KCNB2: variants seen among roughly 807,000 people sequenced by gnomAD.
KCNB2 encodes potassium voltage-gated channel subfamily B member 2.
In KCNB2, 15 loss-of-function variants were observed where a neutral mutation model predicts 61.5. That is an observed-to-expected ratio of 0.24 (90% CI 0.16 to 0.38). The LOEUF (loss-of-function observed/expected upper bound fraction) is 0.38. Ranked by LOEUF, KCNB2 falls within the 10% of genes least tolerant of loss-of-function variation. KCNB2 has a pLI of 1.00. For missense variants in KCNB2, 828 were observed against 1,125.2 expected (o/e 0.74, Z 3.78); for synonymous variants, 457 against 446.0 (o/e 1.02, Z -0.31).
chr8:72,872,378 T>C (rs1805632559), intron 2 of KCNB2, among the ~76,000 whole-genome samples: 1 of 152,206 alleles, frequency 6.6e-6, no homozygotes, highest in South Asian at 2.1e-4. Flanking sequence ...CAAAGTTAAA[T>C]CTCATAAACC....
intron 2 of KCNB2, among the ~76,000 whole-genome samples, chr8:72,600,596 T>G (rs1807281613): frequency 6.8e-6 from 1 of 147,806 alleles, no homozygotes; most frequent in Non-Finnish European, 1.5e-5. Flanking sequence ...AGTATAATAA[T>G]AATAAAATTT....
chr8:72,897,892 G>A (rs1806018687), intron 2 of KCNB2, among the ~76,000 whole-genome samples: 1 of 152,114 alleles, frequency 6.6e-6, no homozygotes, highest in Non-Finnish European at 1.5e-5. Context: ...TCTCAGATAT[G>A]GAGGGTACAT....
chr8:72,688,040 G>GGA (rs1430179392), intron 2 of KCNB2, among the ~76,000 whole-genome samples: 4 of 152,296 alleles, frequency 2.6e-5, no homozygotes, highest in Admixed American at 2.6e-4. Context: ...CCTCTTTGCT[G>GGA]GAGATAGAAC....
At chr8:72,927,852 A>T (rs572593022) in intron 2 of KCNB2, among the ~76,000 whole-genome samples, 3 of 152,262 alleles carry the variant, frequency 2.0e-5, no homozygotes, top group Non-Finnish European at 4.4e-5. Context: ...TGAGCAAACC[A>T]TCATCTTTTG....
At chr8:72,857,931 A>T (rs1810233942) in intron 2 of KCNB2, among the ~76,000 whole-genome samples, 2 of 152,116 alleles carry the variant, frequency 1.3e-5, no homozygotes, top group South Asian at 2.1e-4. Context: ...ATAAAATATG[A>T]TCTGTCAAGC....
At chr8:72,834,803 C>T (rs1026308963) in intron 2 of KCNB2, among the ~76,000 whole-genome samples, 1 of 152,096 alleles carries the variant, frequency 6.6e-6, no homozygotes, top group Non-Finnish European at 1.5e-5. Flanking sequence ...TACGAAGATA[C>T]AGAAAAAAAG....
chr8:72,932,418 G>A (rs1316771371), intron 2 of KCNB2, among the ~76,000 whole-genome samples: 1 of 152,140 alleles, frequency 6.6e-6, no homozygotes, highest in African/African-American at 2.4e-5. Context: ...GTGCTGGGGT[G>A]GTTACCCTTG....
intron 2 of KCNB2, among the ~76,000 whole-genome samples, chr8:72,885,331 G>T (rs1805785915): frequency 6.6e-6 from 1 of 152,044 alleles, no homozygotes; most frequent in South Asian, 2.1e-4. Context: ...GAGTTAGGTA[G>T]CTTTCTCTTT....
intron 2 of KCNB2, among the ~76,000 whole-genome samples, chr8:72,694,628 A>G (rs976112206): frequency 6.6e-6 from 1 of 152,186 alleles, no homozygotes; most frequent in Non-Finnish European, 1.5e-5. Context: ...AGGAAAATAA[A>G]TACTAATTCA....
At chr8:72,590,269 T>C (rs1402923214) in intron 2 of KCNB2, among the ~76,000 whole-genome samples, 1 of 152,220 alleles carries the variant, frequency 6.6e-6, no homozygotes, top group Non-Finnish European at 1.5e-5. Context: ...ACCTGCTTTG[T>C]AATTGCTTTG....
intron 2 of KCNB2, among the ~76,000 whole-genome samples, chr8:72,718,945 C>T (rs930030364): frequency 1.3e-5 from 2 of 152,114 alleles, no homozygotes; most frequent in Non-Finnish European, 2.9e-5. Flanking sequence ...AGATTTTTTT[C>T]CCCCACCTTT....
Position 72,938,253 on chromosome 8 carries a change from A to G in KCNB2, c.*162A>G, listed in dbSNP as rs1438907544. The G allele has an allele frequency of 5.0e-6, 3 of 603,582 alleles. No homozygotes were observed. The highest frequency in any genetic ancestry group is 8.8e-6 in the Non-Finnish European group (3 of 342,288). 37.4% of individuals were successfully genotyped at this position (603,582 alleles called of 1,614,324 possible). On this transcript the variant is annotated 3_prime_UTR_variant, in exon 3 of 3. Transcript: ENST00000523207. ...ATGGCATGAACAGTTTAGCTTAAGTACTGTTTAAATAATGAGTCAAGACTG... is the reference window on the plus strand; with the variant it reads ...ATGGCATGAACAGTTTAGCTTAAGTGCTGTTTAAATAATGAGTCAAGACTG...
chr8:72,629,026 A>C (rs181190912), intron 2 of KCNB2, among the ~76,000 whole-genome samples: 5 of 152,324 alleles, frequency 3.3e-5, no homozygotes, highest in Admixed American at 3.3e-4. Flanking sequence ...GGAGTGTCAA[A>C]CCAATTGTTA....
At chr8:72,554,008 T>C (rs1046482919) in intron 1 of KCNB2, among the ~76,000 whole-genome samples, 15 of 152,132 alleles carry the variant, frequency 9.9e-5, no homozygotes, top group Admixed American at 9.2e-4. Context: ...GCCCCATGAA[T>C]TAAAATATCC....
At chr8:72,802,415 T>C (rs1282844871) in intron 2 of KCNB2, among the ~76,000 whole-genome samples, 1 of 152,264 alleles carries the variant, frequency 6.6e-6, no homozygotes, top group East Asian at 1.9e-4. Flanking sequence ...ATATTGTCTT[T>C]AGATATACAC....
At chr8:72,649,420 C>T (rs949227224) in intron 2 of KCNB2, among the ~76,000 whole-genome samples, 4 of 151,952 alleles carry the variant, frequency 2.6e-5, no homozygotes, top group Non-Finnish European at 5.9e-5. Flanking sequence ...ATAAAAATGG[C>T]AACAATAGAC....
chr8:72,820,126 G>A (rs560211614), intron 2 of KCNB2, among the ~76,000 whole-genome samples: 9 of 152,026 alleles, frequency 5.9e-5, no homozygotes, highest in East Asian at 3.9e-4. Flanking sequence ...CTCATCAACC[G>A]CTCATCCCCT....
chr8:72,644,620 T>G (rs995400280), intron 2 of KCNB2, among the ~76,000 whole-genome samples: 4 of 152,170 alleles, frequency 2.6e-5, no homozygotes, highest in African/African-American at 9.7e-5. Context: ...AGAAGTCTGG[T>G]TATAAAGTAG....
intron 2 of KCNB2, among the ~76,000 whole-genome samples, chr8:72,915,381 G>T (rs944409727): frequency 2.0e-5 from 3 of 152,104 alleles, no homozygotes; most frequent in Admixed American, 6.6e-5. Context: ...CAGTTAGAAG[G>T]CTAATCCTAT....
Sources: gnomAD v4.1 joint callset for allele counts (sites outside exome capture counted in the v4.1 genomes callset) on GRCh38, gnomAD v4.1.1 for gene constraint, MANE v1.5 for transcripts, NCBI Gene and HGNC (gene_info 2026-07-23, HGNC 2026-07-21) for gene names.